Variants in ACTN2 observed in about 807,000 individuals in gnomAD.
ACTN2 encodes the protein alpha-actinin-2.
ACTN2 carries 39 observed loss-of-function variants against 113.8 expected under a neutral mutation model. The observed-to-expected ratio is 0.34, with a 90% confidence interval of 0.27 to 0.45. The LOEUF is 0.45. Ranked by LOEUF, ACTN2 falls within the 20% of genes least tolerant of loss-of-function variation. The pLI is 1.00. For synonymous variants in ACTN2, 429 were observed against 444.1 expected (o/e 0.97, Z 0.43); for missense variants, 992 against 1,177.9 (o/e 0.84, Z 2.31).
At chr1:236,743,569 CTTT>C (rs59813567) in intron 11 of ACTN2, among the ~76,000 whole-genome samples, 2 of 143,128 alleles carry the variant, frequency 1.4e-5, no homozygotes, top group Non-Finnish European at 1.5e-5. Flanking sequence ...GAATATGGCC[CTTT>C]TTTTTTTTTT....
At chr1:236,726,269 T>G (rs1022868718) in intron 5 of ACTN2, among the ~76,000 whole-genome samples, 1 of 152,192 alleles carries the variant, frequency 6.6e-6, no homozygotes, top group African/African-American at 2.4e-5. Flanking sequence ...AGGATGCTAC[T>G]GAGTTTGGGG....
chr1:236,700,538 C>T (rs1387265048), intron 1 of ACTN2, among the ~76,000 whole-genome samples: 1 of 152,182 alleles, frequency 6.6e-6, no homozygotes, highest in Non-Finnish European at 1.5e-5. Flanking sequence ...CCTCGTACTG[C>T]ACCCTGATCT....
At chr1:236,713,406 T>C (rs904469713) in intron 1 of ACTN2, among the ~76,000 whole-genome samples, 2 of 152,168 alleles carry the variant, frequency 1.3e-5, no homozygotes, top group African/African-American at 4.8e-5. Flanking sequence ...CTTGTATTTT[T>C]TGTAGAGACA....
Position 236,755,217 on chromosome 1 carries a change from C to A in ACTN2, c.2154+19C>A, listed in dbSNP as rs1484623448. 5.6e-6 allele frequency: 9 copies of A among 1,613,962 alleles called. No homozygotes were observed. Among genetic ancestry groups the A allele is most frequent in the African/African-American group, 1.3e-5 (1 of 75,058 alleles). ...GATGGAGGTACGGCAGCCAGACAGG[C>A]GTGTGCCGCTCACTTCTCACGGGGA... On this transcript the variant is annotated intron_variant, in intron 17 of 20. Coordinates refer to ENST00000366578, the MANE Select transcript of ACTN2 (RefSeq NM_001103.4).
At chr1:236,699,724 A>G (rs967664054) in intron 1 of ACTN2, among the ~76,000 whole-genome samples, 1 of 152,062 alleles carries the variant, frequency 6.6e-6, no homozygotes, top group Non-Finnish European at 1.5e-5. Flanking sequence ...CTGAGAACTC[A>G]CTTTGCAATT....
chr1:236,712,939 A>C (rs1658076447), intron 1 of ACTN2, among the ~76,000 whole-genome samples: 1 of 150,402 alleles, frequency 6.6e-6, no homozygotes, highest in Non-Finnish European at 1.5e-5. Flanking sequence ...TTTTTTAACA[A>C]CCTACTATTC....
intron 15 of ACTN2, 82 bp from the exon 16 acceptor site, chr1:236,753,865 C>CAAGGAAAAATAACCCAAAAAG: frequency 7.2e-7 from 1 of 1,394,010 alleles, no homozygotes; most frequent in Non-Finnish European, 1.0e-6. Flanking sequence ...ACCCCCACCC[C>CAAGGAAAAATAACCCAAAAAG]TTGGACTATT....
chr1:236,746,027 A>T (rs559904606), intron 12 of ACTN2, among the ~76,000 whole-genome samples: 1 of 151,696 alleles, frequency 6.6e-6, no homozygotes. Flanking sequence ...TTAGCCAGGC[A>T]TGGTGGCGGG....
chr1:236,757,726 C>T, intron 18 of ACTN2, 94 bp downstream of exon 18: 2 of 1,504,894 alleles, frequency 1.3e-6, no homozygotes, highest in Non-Finnish European at 1.8e-6. Context: ...TCTTAAGGCT[C>T]CACAACATTT....
In ACTN2 at chr1:236,739,395, C is replaced by T. The variant is rs747674727; in HGVS notation, c.970C>T (p.Arg324Trp). ...CATGCAGAAGAAGCTGGAGGACTTCCGGGATTACCGCCGGAAGCACAAGCC... is the reference window on the plus strand; with the variant it reads ...CATGCAGAAGAAGCTGGAGGACTTCTGGGATTACCGCCGGAAGCACAAGCC... ...QAMQKKLEDF[R>W]DYRRKHKPPK... The change falls in exon 10 of 21, where the codon CGG becomes TGG. Residue 324 changes from arginine to tryptophan, a missense_variant. By Grantham distance (101) the Arg-to-Trp change is moderately radical (BLOSUM62 -3). Around this residue, in one of 3 missense-constraint regions of ACTN2, gnomAD observed 736 missense variants for 815.4 expected, o/e 0.90. Transcript: ENST00000366578. The T allele has an allele frequency of 1.2e-5, 20 of 1,613,912 alleles. No homozygotes were observed. Among genetic ancestry groups the T allele is most frequent in the African/African-American group, 5.3e-5 (4 of 74,862 alleles).
At chr1:236,730,154 G>A (rs1658672806) in intron 6 of ACTN2, among the ~76,000 whole-genome samples, 1 of 152,224 alleles carries the variant, frequency 6.6e-6, no homozygotes, top group Admixed American at 6.5e-5. Context: ...GCCGATAGCT[G>A]AGGTAGGAAA....
At chr1:236,757,685 T>C in intron 18 of ACTN2, 53 bp downstream of exon 18, 7 of 1,605,146 alleles carry the variant, frequency 4.4e-6, no homozygotes, top group Non-Finnish European at 6.0e-6. Flanking sequence ...AAACAATGTA[T>C]CTGAAATAAT....
chr1:236,737,205 A>T lies in ACTN2; in HGVS notation c.867A>T (p.Leu289=), dbSNP rs1658905727. The change falls in exon 9 of 21, where the codon CTA becomes CTT. Residue 289 remains leucine, a synonymous_variant. Coordinates refer to ENST00000366578, the MANE Select transcript of ACTN2 (RefSeq NM_001103.4). ...GGCTGATGGAAGAATATGAGAGGCT[A>T]GCGAGTGAGGTAAAGGAAACTGGTG... ...NERLMEEYER[L]ASELLEWIRR... is the part of the protein sequence containing the mutation. The T allele has an allele frequency of 6.3e-7, 1 of 1,592,646 alleles. No homozygotes were observed.
intron 14 of ACTN2, among the ~76,000 whole-genome samples, chr1:236,749,819 A>G (rs181184864): frequency 5.9e-5 from 9 of 152,128 alleles, no homozygotes; most frequent in African/African-American, 1.9e-4. Flanking sequence ...CAACAACAAC[A>G]ACGACAACTA....
chr1:236,702,781 T>C (rs1231248747), intron 1 of ACTN2, among the ~76,000 whole-genome samples: 1 of 152,226 alleles, frequency 6.6e-6, no homozygotes, highest in Admixed American at 6.5e-5. Context: ...GCTATAGCTG[T>C]ACCTGACTGT....
At chr1:236,688,056 A>G (rs925921005) in intron 1 of ACTN2, among the ~76,000 whole-genome samples, 1 of 152,210 alleles carries the variant, frequency 6.6e-6, no homozygotes, top group Non-Finnish European at 1.5e-5. Flanking sequence ...CAAGCCGTCT[A>G]CTATTGTTTA....
Position 236,752,968 on chromosome 1 carries a change from T to G in ACTN2, c.1840-979T>G, listed in dbSNP as rs142842758. The stretch of plus-strand genomic sequence containing the variant: ...CAATAATAATGCTTTTAGTAGCAGT[T>G]TTGCAGATGACACAAAGAAAGATTT... On this transcript the variant is annotated intron_variant, in intron 15 of 20. Coordinates refer to ENST00000366578, the MANE Select transcript of ACTN2 (RefSeq NM_001103.4). Among the ~76,000 whole-genome samples the G allele has an allele frequency of 9.6e-4, 146 of 152,362 alleles. 1 individual carries two copies. Among genetic ancestry groups the G allele is most frequent in the African/African-American group, 3.4e-3 (141 of 41,588 alleles).
chr1:236,720,966 G>A (rs1025668972), intron 4 of ACTN2, among the ~76,000 whole-genome samples: 5 of 140,818 alleles, frequency 3.6e-5, no homozygotes, highest in African/African-American at 8.0e-5. Context: ...GGGTGGAGAC[G>A]TTATTTATAA....
chr1:236,711,721 T>G (rs1658032678), intron 1 of ACTN2, among the ~76,000 whole-genome samples: 1 of 152,208 alleles, frequency 6.6e-6, no homozygotes, highest in African/African-American at 2.4e-5. Context: ...GTCTTCTTTT[T>G]GTGGCTCTGA....
Sources: gnomAD v4.1 joint callset for allele counts (sites outside exome capture counted in the v4.1 genomes callset) on GRCh38, gnomAD v4.1.1 for gene constraint, gnomAD v4.1.1 regional missense constraint, MANE v1.5 for transcripts, NCBI Gene and HGNC (gene_info 2026-07-23, HGNC 2026-07-21) for gene names.